The following ALDH1L1 variants were observed in gnomAD, a reference collection of about 807,000 sequenced individuals.
ALDH1L1 encodes the protein aldehyde dehydrogenase 1 family member L1, also known as cytosolic 10-formyltetrahydrofolate dehydrogenase.
A neutral mutation model predicts 101.1 loss-of-function variants in ALDH1L1; 68 were observed. That is an observed-to-expected ratio of 0.67 (90% CI 0.55 to 0.82). The LOEUF (loss-of-function observed/expected upper bound fraction) is 0.82. Ranked by LOEUF, ALDH1L1 falls within the 40% of genes least tolerant of loss-of-function variation. The pLI, the probability that ALDH1L1 is intolerant of heterozygous loss-of-function variation, is 0.00. For missense variants in ALDH1L1, 1,087 were observed against 1,172.7 expected, an observed-to-expected ratio of 0.93 and a Z score of 1.07; for synonymous variants, 486 against 470.8, an observed-to-expected ratio of 1.03 and a Z score of -0.42.
At chr3:126,146,244 C>G (rs2080675237) in intron 9 of ALDH1L1, among the ~76,000 whole-genome samples, 1 of 152,158 alleles carries the variant, frequency 6.6e-6, no homozygotes, top group Non-Finnish European at 1.5e-5. Flanking sequence ...TTTTGGCCAA[C>G]AGAATGCAAT....
upstream of ALDH1L1, chr3:126,180,977 G>A (rs1323117088): frequency 6.2e-7 from 1 of 1,610,488 alleles, no homozygotes; most frequent in East Asian, 2.2e-5. Context: ...ATGTGCTACG[G>A]ACACAGCAGA....
chr3:126,158,724 T>C (rs763012588), intron 2 of ALDH1L1, 85 bp from the exon 3 acceptor site: 222 of 1,321,078 alleles, frequency 1.7e-4, no homozygotes, highest in Non-Finnish European at 2.0e-4. Flanking sequence ...GAGCAGCTCA[T>C]AGGACTTCTC....
intron 21 of ALDH1L1, 114 bp from the exon 22 acceptor site, chr3:126,106,039 A>C: frequency 8.9e-7 from 1 of 1,128,746 alleles, no homozygotes. Context: ...CGAGGAGAAA[A>C]TGTGCCGGGC....
Position 126,158,585 on chromosome 3 carries a change from G to C in ALDH1L1, c.182C>G (p.Ala61Gly), listed in dbSNP as rs756520486. Residue 61 changes from alanine (A) to glycine (G), a missense_variant, in exon 3 of 23, where the codon GCA (alanine) becomes GGA (glycine). This residue lies in a region of ALDH1L1 where 645 missense variants were observed against 637.0 expected (regional missense o/e 1.01). Coordinates refer to ENST00000393434, the MANE Select transcript of ALDH1L1 (RefSeq NM_012190.4). ...VPVFKYSRWR[A>G]KGQALPDVVA... ...CACATCAGGCAAAGCCTGTCCTTTT[G>C]CACGCCACCGGGAGTACTTGAATAC... 3.7e-6 allele frequency: 6 copies of C among 1,614,058 alleles called. No individual in the cohort carries two copies. The highest frequency in any genetic ancestry group is 8.5e-7 in the Non-Finnish European group (1 of 1,179,994).
chr3:126,181,096 CCGCCTCTCCGAGAGAAAAACAGCCCCT>C, upstream of ALDH1L1: 3 of 1,206,986 alleles, frequency 2.5e-6, no homozygotes, highest in South Asian at 3.9e-5. Flanking sequence ...CAGTGCCTAC[CCGCCTCTCCGAGAGAAAAACAGCCCCT>C]GGTTTTCTCT....
intron 8 of ALDH1L1, among the ~76,000 whole-genome samples, chr3:126,149,486 A>C (rs931435162): frequency 2.6e-5 from 4 of 152,240 alleles, no homozygotes; most frequent in Non-Finnish European, 4.4e-5. Flanking sequence ...CTGCAACACC[A>C]GGGCAGGCCA....
chr3:126,110,662 G>A (rs3821466), intron 19 of ALDH1L1, among the ~76,000 whole-genome samples: 39,513 of 151,934 alleles, frequency 0.26, 5,717 homozygotes, highest in Middle Eastern at 0.38. Flanking sequence ...CCCCTAATCA[G>A]CCCTAATCAG....
chr3:126,158,518 C>T lies in ALDH1L1; in HGVS notation c.249G>A (p.Leu83=), dbSNP rs746303966. 1.9e-6 allele frequency: 3 copies of T among 1,614,214 alleles called. No homozygotes were observed. The highest frequency in any genetic ancestry group is 2.5e-6 in the Non-Finnish European group (3 of 1,180,016). Residue 83 remains leucine (L), a synonymous_variant, in exon 3 of 23, where the codon CTG becomes CTA. Coordinates refer to ENST00000393434, the MANE Select transcript of ALDH1L1 (RefSeq NM_012190.4). ...YQALGAELNV[L]PFCSQFIPME... is the part of the protein sequence containing the mutation. ...TGGGGATGAATTGGCTGCAGAAGGG[C>T]AGGACGTTGAGCTCGGCCCCCAAAG...
At chr3:126,160,715 T>C (rs1428611900) in intron 2 of ALDH1L1, 138 bp downstream of exon 2, 1 of 1,329,038 alleles carries the variant, frequency 7.5e-7, no homozygotes. Context: ...GGATTCAAGG[T>C]AGACCACTTA....
intron 20 of ALDH1L1, among the ~76,000 whole-genome samples, chr3:126,109,327 A>G (rs1030476128): frequency 6.6e-6 from 1 of 152,152 alleles, no homozygotes; most frequent in Non-Finnish European, 1.5e-5. Context: ...AGGGTCCTGG[A>G]GCAGCAGGTG....
At chr3:126,141,300 G>A (rs2080563183) in intron 9 of ALDH1L1, among the ~76,000 whole-genome samples, 1 of 152,016 alleles carries the variant, frequency 6.6e-6, no homozygotes, top group Non-Finnish European at 1.5e-5. Context: ...CTACTTAGAT[G>A]CCCAACTTTC....
In ALDH1L1 at chr3:126,105,807, C is replaced by T. The variant is rs1945847816; in HGVS notation, c.2572G>A (p.Val858Met). The change falls in exon 22 of 23, where the codon GTG (valine) becomes ATG (methionine). Residue 858 changes from valine (V) to methionine (M), a missense_variant. Transcript: ENST00000393434. ...YVSDKLQAGT[V>M]FVNTYNKTDV... ...GTCTTGTTGTACGTGTTGACAAACACAGTGCCTGCCTGGAGCTTGTCACTG... is the reference window on the plus strand; with the variant it reads ...GTCTTGTTGTACGTGTTGACAAACATAGTGCCTGCCTGGAGCTTGTCACTG... 2 of 1,614,240 alleles carry T rather than the reference C, an allele frequency of 1.2e-6. No homozygotes were observed. The highest frequency in any genetic ancestry group is 4.5e-5 in the East Asian group (2 of 44,884).
chr3:126,107,256 A>G lies in ALDH1L1; in HGVS notation c.2348-10T>C, dbSNP rs755379657. The G allele has an allele frequency of 5.6e-6, 9 of 1,610,552 alleles. No homozygotes were observed. The highest frequency in any genetic ancestry group is 6.8e-6 in the Non-Finnish European group (8 of 1,177,364). On this transcript the variant is annotated splice_polypyrimidine_tract_variant and intron_variant, in intron 20 of 22. Transcript: ENST00000393434. ...GGCTCAAAGAAGAACCCTGCAAGAG[A>G]GATAAAAGCCCGTTGCACATGGGAG...
chr3:126,113,653 C>T (rs749448635), intron 18 of ALDH1L1, among the ~76,000 whole-genome samples: 1 of 152,188 alleles, frequency 6.6e-6, no homozygotes, highest in Non-Finnish European at 1.5e-5. Context: ...AGTTTCTCCA[C>T]CAAATGAGGT....
intron 9 of ALDH1L1, among the ~76,000 whole-genome samples, chr3:126,140,527 T>C (rs1473875904): frequency 6.6e-6 from 1 of 152,116 alleles, no homozygotes; most frequent in Non-Finnish European, 1.5e-5. Flanking sequence ...TATTTTATTG[T>C]GGTTTGTAAC....
At chr3:126,159,536 G>A (rs767163450) in intron 2 of ALDH1L1, 20 of 456,464 alleles carry the variant, frequency 4.4e-5, no homozygotes, top group Admixed American at 1.6e-4. Context: ...TCTCCTCTCC[G>A]GTCTCCTCCT....
chr3:126,136,653 A>G, intron 11 of ALDH1L1, 111 bp downstream of exon 11: 1 of 1,473,268 alleles, frequency 6.8e-7, no homozygotes, highest in Non-Finnish European at 9.1e-7. Flanking sequence ...TCAAAGGCAC[A>G]TGTCCAAGCA....
At chr3:126,109,533 C>T (rs1433883297) in intron 20 of ALDH1L1, among the ~76,000 whole-genome samples, 1 of 152,078 alleles carries the variant, frequency 6.6e-6, no homozygotes, top group Non-Finnish European at 1.5e-5. Context: ...AAAAAGTCCC[C>T]CATGAGAGGT....
chr3:126,194,842 T>C (rs2081573618), intron 1 of ALDH1L1, among the ~76,000 whole-genome samples: 4 of 152,156 alleles, frequency 2.6e-5, no homozygotes, highest in Admixed American at 2.6e-4. Flanking sequence ...AACTATTTTT[T>C]AGTAGTTTTA....
Sources: gnomAD v4.1 joint callset for allele counts (sites outside exome capture counted in the v4.1 genomes callset) on GRCh38, gnomAD v4.1.1 for gene constraint, gnomAD v4.1.1 regional missense constraint, MANE v1.5 for transcripts, NCBI Gene and HGNC (gene_info 2026-07-23, HGNC 2026-07-21) for gene names.